MAP3K13: variants seen among roughly 807,000 people sequenced by gnomAD.
The protein encoded by MAP3K13 is leucine zipper-bearing kinase.
A neutral mutation model predicts 104.0 loss-of-function variants in MAP3K13; 52 were observed. That is an observed-to-expected ratio of 0.50 (90% CI 0.40 to 0.63). The LOEUF (loss-of-function observed/expected upper bound fraction) is 0.63. MAP3K13 is among the 20% of genes least tolerant of loss of function. MAP3K13 has a pLI of 0.00. For missense variants in MAP3K13, 914 were observed against 1,218.5 expected (o/e 0.75, Z 3.72); for synonymous variants, 394 against 442.2 (o/e 0.89, Z 1.37).
intron 1 of MAP3K13, chr3:185,417,423 A>T (rs1251269253): frequency 1.5e-5 from 20 of 1,354,602 alleles, no homozygotes; most frequent in Middle Eastern, 2.6e-4. Context: ...CACTGCCTGT[A>T]TAATCAGGTC....
chr3:185,454,786 C>T (rs1354314008), intron 7 of MAP3K13, among the ~76,000 whole-genome samples: 12 of 79,502 alleles, frequency 1.5e-4, no homozygotes, highest in African/African-American at 2.0e-4. Flanking sequence ...GAGATATATA[C>T]ATGATATATA....
At chr3:185,328,210 A>G (rs1211365791) in intron 2 of MAP3K13, among the ~76,000 whole-genome samples, 2 of 152,210 alleles carry the variant, frequency 1.3e-5, no homozygotes, top group African/African-American at 4.8e-5. Context: ...CACTAGTAAA[A>G]AAGTCAGGGA....
chr3:185,395,564 T>C (rs1318223277), intron 1 of MAP3K13, among the ~76,000 whole-genome samples: 2 of 149,610 alleles, frequency 1.3e-5, no homozygotes, highest in Non-Finnish European at 3.0e-5. Flanking sequence ...TTCACCGTTT[T>C]AGCCGGGATG....
At chr3:185,317,905 A>G (rs1381352564) in intron 2 of MAP3K13, among the ~76,000 whole-genome samples, 1 of 152,054 alleles carries the variant, frequency 6.6e-6, no homozygotes, top group Non-Finnish European at 1.5e-5. Context: ...AGTTCCAAAT[A>G]GATACTCCAG....
At chr3:185,404,371 G>A (rs1268914876) in intron 1 of MAP3K13, among the ~76,000 whole-genome samples, 1 of 152,198 alleles carries the variant, frequency 6.6e-6, no homozygotes, top group African/African-American at 2.4e-5. Flanking sequence ...TGCCAGTGAA[G>A]GCAGGGAGGA....
upstream of MAP3K13, among the ~76,000 whole-genome samples, chr3:185,362,472 C>G (rs1471395510): frequency 1.3e-5 from 2 of 152,158 alleles, no homozygotes; most frequent in Non-Finnish European, 2.9e-5. Context: ...AACACTGTAC[C>G]CTACTTAAAA....
At chr3:185,419,975 G>A (rs948586931) in intron 1 of MAP3K13, among the ~76,000 whole-genome samples, 1 of 152,002 alleles carries the variant, frequency 6.6e-6, no homozygotes, top group Non-Finnish European at 1.5e-5. Context: ...GCATTTATAG[G>A]TACTGGTATT....
rs1716461290 is a variant in MAP3K13 at position 185,455,332 on chromosome 3, TATATATGAG to T, written c.1278+3944_1278+3952del. Among the ~76,000 whole-genome samples the T allele has an allele frequency of 1.9e-5, 2 of 103,498 alleles. 1 individual carries two copies. The highest frequency in any genetic ancestry group is 7.1e-5 in the African/African-American group (2 of 28,356). The allele number at this position is 103,498 out of a possible 152,430, so 67.9% of individuals were successfully genotyped here. On this transcript the variant is annotated intron_variant, in intron 7 of 13. Transcript: ENST00000265026. ...TGAGATATATATGAGATATATATGATATATATGAGATATATATGATATATATATGAGATA... is the reference window on the plus strand; with the variant it reads ...TGAGATATATATGAGATATATATGATATATATATGATATATATATGAGATA...
chr3:185,451,489 A>G, intron 7 of MAP3K13, 94 bp downstream of exon 7: 1 of 777,166 alleles, frequency 1.3e-6, no homozygotes, highest in Non-Finnish European at 2.3e-6. Flanking sequence ...TGTGTTTGTT[A>G]TAATAGTTAT....
chr3:185,381,162 CA>C (rs1224589190), intron 1 of MAP3K13, among the ~76,000 whole-genome samples: 1 of 151,978 alleles, frequency 6.6e-6, no homozygotes, highest in Admixed American at 6.6e-5. Context: ...AGAGTTTCAC[CA>C]TGTTGGCCAG....
rs903978859 is a variant in MAP3K13, at chr3:185,488,006, GACA to G, written c.*5555_*5557del. On this transcript the variant is annotated 3_prime_UTR_variant, in exon 14 of 14. Transcript: ENST00000265026. ...CTTGCCTCTACCCACTGCCCTTTTG[GACA>G]ACAATTCCAATTGAAGGAACACCAA... 5.9e-5 allele frequency: 9 copies of G among 152,296 alleles called. No homozygotes were observed. The South Asian group carries it at 1.0e-3, about 18-fold the overall frequency. 9.4% of individuals were successfully genotyped at this position (152,296 alleles called of 1,614,324 possible).
intron 2 of MAP3K13, among the ~76,000 whole-genome samples, chr3:185,322,515 C>T (rs1359239831): frequency 6.6e-6 from 1 of 152,234 alleles, no homozygotes; most frequent in Non-Finnish European, 1.5e-5. Context: ...TTCCATGCTT[C>T]TCTGGTATTA....
At chr3:185,444,047 C>G (rs368011583) in intron 4 of MAP3K13, among the ~76,000 whole-genome samples, 1 of 152,088 alleles carries the variant, frequency 6.6e-6, no homozygotes, top group Non-Finnish European at 1.5e-5. Flanking sequence ...AAATAAGAAA[C>G]AGGCTAGCTG....
chr3:185,312,524 AT>A (rs1721530190), intron 2 of MAP3K13, among the ~76,000 whole-genome samples: 1 of 152,202 alleles, frequency 6.6e-6, no homozygotes, highest in South Asian at 2.1e-4. Flanking sequence ...GTGAAGAAGT[AT>A]TTGGGGTTAT....
Position 185,455,277 on chromosome 3 carries a change from G to GATAT in MAP3K13, c.1278+3885_1278+3888dup, listed in dbSNP as rs531448357. Among the ~76,000 whole-genome samples the GATAT allele has an allele frequency of 1.4e-4, 5 of 34,776 alleles. 2 individuals carry two copies. Among genetic ancestry groups the GATAT allele is most frequent in the Non-Finnish European group, 2.4e-4 (4 of 16,522 alleles). 22.8% of individuals were successfully genotyped at this position (34,776 alleles called of 152,430 possible). On this transcript the variant is annotated intron_variant, in intron 7 of 13. Transcript: ENST00000265026. The stretch of plus-strand genomic sequence containing the variant: ...TATGAGATATATGAGATATATATGA[G>GATAT]ATATATGAGATATATATATGAGATA...
In MAP3K13 at chr3:185,315,530, A is replaced by G. The variant is rs185999084; in HGVS notation, c.-86+29887A>G. On this transcript the variant is annotated intron_variant, in intron 2 of 14. Transcript: ENST00000424227. The surrounding 1 kb of genome is among the most constrained non-coding windows in gnomAD (Gnocchi z 4.3). ...TGAGAACGACTGCATTAGAAAAATC[A>G]TGGGAAAAAATATGGAAATACATAA... Among the ~76,000 whole-genome samples the G allele has an allele frequency of 9.8e-5, 15 of 152,348 alleles. No individual in the cohort carries two copies. The highest frequency in any genetic ancestry group is 3.4e-4 in the African/African-American group (14 of 41,598).
At chr3:185,447,696 G>A (rs1715669687) in intron 4 of MAP3K13, 93 bp from the exon 5 acceptor site, 2 of 930,792 alleles carry the variant, frequency 2.1e-6, no homozygotes, top group Non-Finnish European at 3.3e-6. Context: ...AAGATAGGAA[G>A]TAGCAGATAA....
intron 2 of MAP3K13, among the ~76,000 whole-genome samples, chr3:185,308,009 C>CTTTTTTTTTTTTTTT (rs33949195): frequency 1.3e-4 from 4 of 31,566 alleles, no homozygotes; most frequent in East Asian, 1.4e-3. Flanking sequence ...TCTTTGGGGT[C>CTTTTTTTTTTTTTTT]TTTTTTTTTT....
chr3:185,451,426 C>T (rs367905654), intron 7 of MAP3K13, 31 bp downstream of exon 7: 38 of 1,434,010 alleles, frequency 2.6e-5, no homozygotes, highest in Non-Finnish European at 3.6e-5. Context: ...CCAGGTGCTA[C>T]TAAACAGATA....
Sources: gnomAD v4.1 joint callset for allele counts (sites outside exome capture counted in the v4.1 genomes callset) on GRCh38, gnomAD v4.1.1 for gene constraint, Gnocchi (gnomAD v3.1) non-coding constraint, MANE v1.5 for transcripts, NCBI Gene and HGNC (gene_info 2026-07-23, HGNC 2026-07-21) for gene names.